The following FHIT variants were observed in gnomAD, a reference collection of about 807,000 sequenced individuals.
FHIT encodes fragile histidine triad diadenosine triphosphatase, also known as bis(5'-adenosyl)-triphosphatase.
A neutral mutation model predicts 17.9 loss-of-function variants in FHIT; 19 were observed. The ratio of observed to expected loss-of-function variants is 1.06; its 90% CI spans 0.74 to 1.56. The LOEUF (loss-of-function observed/expected upper bound fraction) is 1.56. Ranked by LOEUF, FHIT falls within the 40% of genes most tolerant of loss-of-function variation. The pLI is 0.00. For synonymous variants in FHIT, 81 were observed against 69.7 expected, an observed-to-expected ratio of 1.16 and a Z score of -0.81; for missense variants, 248 against 189.2, an observed-to-expected ratio of 1.31 and a Z score of -1.82.
At chr3:60,454,963 A>G (rs1366564401) in intron 5 of FHIT, among the ~76,000 whole-genome samples, 1 of 152,112 alleles carries the variant, frequency 6.6e-6, no homozygotes, top group African/African-American at 2.4e-5. Context: ...CAAGTTTACT[A>G]TCAAACAGCA....
intron 8 of FHIT, among the ~76,000 whole-genome samples, chr3:59,782,429 A>G (rs773997802): frequency 1.3e-5 from 2 of 152,226 alleles, no homozygotes; most frequent in Non-Finnish European, 2.9e-5. Context: ...CTCTACATCC[A>G]TTAAATAAAG....
At position 60,789,133 on chromosome 3, in the gene FHIT, T is replaced by G. The variant is rs566551884; in HGVS notation, c.-18+32786A>C. Among the ~76,000 whole-genome samples, 7 of 141,456 alleles carry G rather than the reference T, an allele frequency of 4.9e-5. 1 individual carries two copies. Among genetic ancestry groups the G allele is most frequent in the South Asian group, 2.2e-4 (1 of 4,592 alleles). 92.8% of individuals were successfully genotyped at this position (141,456 alleles called of 152,430 possible). On this transcript the variant is annotated intron_variant, in intron 4 of 9. Coordinates refer to ENST00000492590, the MANE Select transcript of FHIT (RefSeq NM_002012.4). ...ATATGTATATATAGATATGTATATA[T>G]AGAGAGAGATGTGTGTGTGTGTGTA...
intron 5 of FHIT, among the ~76,000 whole-genome samples, chr3:60,510,536 C>G (rs573230095): frequency 6.6e-6 from 1 of 152,194 alleles, no homozygotes; most frequent in Non-Finnish European, 1.5e-5. Context: ...AATATGTATC[C>G]TTCCACTAGG....
At chr3:60,221,714 A>T (rs1703968581) in intron 5 of FHIT, among the ~76,000 whole-genome samples, 1 of 152,026 alleles carries the variant, frequency 6.6e-6, no homozygotes, top group Non-Finnish European at 1.5e-5. Context: ...TTAGCATTTC[A>T]TGGACCCTCA....
intron 4 of FHIT, among the ~76,000 whole-genome samples, chr3:60,808,081 T>C (rs938784263): frequency 6.6e-6 from 1 of 152,204 alleles, no homozygotes; most frequent in African/African-American, 2.4e-5. Flanking sequence ...AGATTTCCAG[T>C]GGCATCCACT....
At chr3:60,814,155 G>A (rs1471919775) in intron 4 of FHIT, among the ~76,000 whole-genome samples, 5 of 151,806 alleles carry the variant, frequency 3.3e-5, no homozygotes, top group Admixed American at 2.6e-4. Flanking sequence ...AAGCCCTTGG[G>A]CTTAGGTCTT....
chr3:60,042,074 G>C (rs150987088), intron 5 of FHIT, among the ~76,000 whole-genome samples: 2 of 152,254 alleles, frequency 1.3e-5, no homozygotes, highest in Admixed American at 6.5e-5. Context: ...TTTTGTGCCG[G>C]CCTACTTAGA....
At chr3:61,134,770 GCCAAA>G (rs542579410) in intron 2 of FHIT, among the ~76,000 whole-genome samples, 1 of 152,088 alleles carries the variant, frequency 6.6e-6, no homozygotes, top group Non-Finnish European at 1.5e-5. Context: ...TTTACCACTT[GCCAAA>G]CCAGCAAGAG....
intron 7 of FHIT, among the ~76,000 whole-genome samples, chr3:60,006,341 G>C (rs192008001): frequency 6.6e-6 from 1 of 152,272 alleles, no homozygotes; most frequent in East Asian, 1.9e-4. Flanking sequence ...CGTAGCGAGA[G>C]AATTCAGTGT....
chr3:60,988,535 A>C (rs2029879195), intron 3 of FHIT, among the ~76,000 whole-genome samples: 1 of 152,210 alleles, frequency 6.6e-6, no homozygotes, highest in African/African-American at 2.4e-5. Context: ...AGGAAACAAG[A>C]GGCTGTCCAG....
intron 5 of FHIT, among the ~76,000 whole-genome samples, chr3:60,055,913 A>G (rs1227592347): frequency 6.6e-6 from 1 of 152,180 alleles, no homozygotes; most frequent in Non-Finnish European, 1.5e-5. Context: ...CTCAGTAAAC[A>G]TTCCTGTCAG....
intron 3 of FHIT, among the ~76,000 whole-genome samples, chr3:60,905,297 T>C (rs1706347152): frequency 6.6e-6 from 1 of 152,206 alleles, no homozygotes; most frequent in East Asian, 1.9e-4. Context: ...GACAATATAC[T>C]CTATTAGCAA....
At chr3:59,934,292 T>C (rs1282123288) in intron 7 of FHIT, among the ~76,000 whole-genome samples, 1 of 152,116 alleles carries the variant, frequency 6.6e-6, no homozygotes, top group Non-Finnish European at 1.5e-5. Flanking sequence ...TCTGCCCGAT[T>C]CCAACATCCA....
chr3:60,662,991 AC>A (rs2040294565), intron 4 of FHIT, among the ~76,000 whole-genome samples: 2 of 151,184 alleles, frequency 1.3e-5, no homozygotes, highest in African/African-American at 4.9e-5. Context: ...GAAAGGCTGG[AC>A]TTCCTTCATT....
At position 60,290,351 on chromosome 3, in the gene FHIT, C is replaced by G. The variant is rs190865925; in HGVS notation, c.103+246509G>C. 1.1e-3 allele frequency among the ~76,000 whole-genome samples: 164 copies of G among 152,184 alleles called. 1 individual carries two copies. The highest frequency in any genetic ancestry group is 3.8e-3 in the African/African-American group (158 of 41,540). On this transcript the variant is annotated intron_variant, in intron 5 of 9. Coordinates refer to ENST00000492590, the MANE Select transcript of FHIT (RefSeq NM_002012.4). ...GCTGGACCTAGTTATTTCCTTTTAA[C>G]AAATAGAAATGTGATTTGTTTATAA... is the stretch of plus-strand genomic sequence containing the variant.
chr3:59,875,946 GAAAAAAAAAAGA>G (rs1045805198), intron 8 of FHIT, among the ~76,000 whole-genome samples: 17 of 112,312 alleles, frequency 1.5e-4, no homozygotes, highest in African/African-American at 6.1e-4. Flanking sequence ...GATAAAAAAA[GAAAAAAAAAAGA>G]AAAAAAAAAG....
intron 5 of FHIT, among the ~76,000 whole-genome samples, chr3:60,078,591 G>A (rs1055817487): frequency 1.3e-5 from 2 of 152,088 alleles, no homozygotes; most frequent in Non-Finnish European, 2.9e-5. Context: ...AAAGACAATG[G>A]CAGCATTTCC....
intron 5 of FHIT, among the ~76,000 whole-genome samples, chr3:60,212,539 C>T (rs767236179): frequency 2.0e-5 from 3 of 152,132 alleles, no homozygotes; most frequent in Non-Finnish European, 4.4e-5. Flanking sequence ...CTCCAAAACA[C>T]ATATCTCTTT....
chr3:60,072,037 G>T (rs1181857387), intron 5 of FHIT, among the ~76,000 whole-genome samples: 5 of 151,998 alleles, frequency 3.3e-5, no homozygotes, highest in African/African-American at 1.2e-4. Context: ...CAAGTCTCAG[G>T]TTTGTCTTTA....
Sources: allele counts gnomAD v4.1 joint callset (sites outside exome capture counted in the v4.1 genomes callset), GRCh38; gene constraint gnomAD v4.1.1; transcripts MANE v1.5; gene names NCBI Gene and HGNC (gene_info 2026-07-23, HGNC 2026-07-21).